MAP3K13: variants seen among roughly 807,000 people sequenced by gnomAD.
The protein encoded by MAP3K13 is leucine zipper-bearing kinase.
MAP3K13 carries 52 observed loss-of-function variants against 104.0 expected under a neutral mutation model. That is an observed-to-expected ratio of 0.50 (90% CI 0.40 to 0.63). The LOEUF (loss-of-function observed/expected upper bound fraction) is 0.63, where lower values mean the gene tolerates loss of function less well. MAP3K13 is among the 20% of genes least tolerant of loss of function. The pLI is 0.00. For synonymous variants in MAP3K13, 394 were observed against 442.2 expected (o/e 0.89, Z 1.37); for missense variants, 914 against 1,218.5 (o/e 0.75, Z 3.72).
At chr3:185,356,909 T>TG (rs1393398113) in intron 2 of MAP3K13, among the ~76,000 whole-genome samples, 2 of 151,556 alleles carry the variant, frequency 1.3e-5, no homozygotes, top group African/African-American at 4.9e-5. Context: ...TATGTATGTA[T>TG]TTATGTATTG....
chr3:185,408,900 C>G (rs974139384), intron 1 of MAP3K13, among the ~76,000 whole-genome samples: 8 of 152,176 alleles, frequency 5.3e-5, no homozygotes, highest in African/African-American at 1.9e-4. Context: ...GAAATTTGCT[C>G]TGTGTGCTGT....
At chr3:185,422,580 CATT>C (rs1303351580) in intron 1 of MAP3K13, among the ~76,000 whole-genome samples, 149 of 152,224 alleles carry the variant, frequency 9.8e-4, no homozygotes, top group Non-Finnish European at 7.5e-4. Context: ...CCCATCCTAA[CATT>C]ATGTATTGGG....
chr3:185,380,580 G>A (rs1373797090), intron 1 of MAP3K13, among the ~76,000 whole-genome samples: 2 of 152,086 alleles, frequency 1.3e-5, no homozygotes, highest in Non-Finnish European at 2.9e-5. Context: ...AATGTTGAGG[G>A]TGGGGCCCAG....
At chr3:185,373,671 T>C (rs1254960613) in intron 1 of MAP3K13, among the ~76,000 whole-genome samples, 1 of 152,086 alleles carries the variant, frequency 6.6e-6, no homozygotes, top group Non-Finnish European at 1.5e-5. Flanking sequence ...AGAATATTTT[T>C]CTGATACTTT....
chr3:185,424,364 G>A lies in MAP3K13; in HGVS notation c.-85-4133G>A, dbSNP rs116171395. Among the ~76,000 whole-genome samples the A allele has an allele frequency of 8.2e-3, 1,246 of 152,258 alleles. 7 individuals are homozygous for A. The highest frequency in any genetic ancestry group is 0.013 in the Non-Finnish European group (905 of 68,012). On this transcript the variant is annotated intron_variant, in intron 1 of 13. Coordinates refer to ENST00000265026, the MANE Select transcript of MAP3K13 (RefSeq NM_004721.5). ...GTGAGGAGTCATAAAATGTTCCATCGTGTTGTAAAAAAGGCAAAGGATTTG... is the reference window on the plus strand; with the variant it reads ...GTGAGGAGTCATAAAATGTTCCATCATGTTGTAAAAAAGGCAAAGGATTTG...
At chr3:185,359,036 G>T (rs1382137025), upstream of MAP3K13, among the ~76,000 whole-genome samples, 1 of 152,120 alleles carries the variant, frequency 6.6e-6, no homozygotes, top group Non-Finnish European at 1.5e-5. Flanking sequence ...AAAAGATTTT[G>T]TATTAGTCTG....
chr3:185,360,818 CTTTTTTTTT>C (rs532196266), upstream of MAP3K13, among the ~76,000 whole-genome samples: 108 of 78,100 alleles, frequency 1.4e-3, 1 homozygote, highest in African/African-American at 4.8e-3. Flanking sequence ...ACAGCTTTAG[CTTTTTTTTT>C]TTTTTTTTTT....
intron 3 of MAP3K13, among the ~76,000 whole-genome samples, chr3:185,439,117 A>G (rs1715193211): frequency 6.6e-6 from 1 of 152,156 alleles, no homozygotes; most frequent in African/African-American, 2.4e-5. Flanking sequence ...TTAAATGAGT[A>G]CTGAAGTTGA....
intron 12 of MAP3K13, among the ~76,000 whole-genome samples, chr3:185,479,953 C>T (rs1293280753): frequency 6.6e-6 from 1 of 152,192 alleles, no homozygotes; most frequent in Non-Finnish European, 1.5e-5. Context: ...CAGGACCTCA[C>T]CCTTATGATC....
intron 2 of MAP3K13, among the ~76,000 whole-genome samples, chr3:185,329,804 TC>T (rs1722178784): frequency 1.3e-5 from 2 of 152,098 alleles, no homozygotes; most frequent in Non-Finnish European, 2.9e-5. Flanking sequence ...ATTTTCTATT[TC>T]CCTTTTACCA....
intron 1 of MAP3K13, among the ~76,000 whole-genome samples, chr3:185,393,822 T>G (rs527449393): frequency 2.0e-4 from 30 of 152,274 alleles, no homozygotes; most frequent in African/African-American, 7.0e-4. Flanking sequence ...GCAAGAGTAC[T>G]CAATCATCTT....
At chr3:185,443,666 T>C in intron 4 of MAP3K13, 30 bp downstream of exon 4, 1 of 1,596,148 alleles carries the variant, frequency 6.3e-7, no homozygotes, top group Non-Finnish European at 8.6e-7. Flanking sequence ...TTTCAGCTAT[T>C]TTGGTTTGTT....
chr3:185,324,749 ATTAAC>A (rs1165605387), intron 2 of MAP3K13, among the ~76,000 whole-genome samples: 1 of 152,184 alleles, frequency 6.6e-6, no homozygotes, highest in Non-Finnish European at 1.5e-5. Flanking sequence ...AGAAAAAAGA[ATTAAC>A]TTATAGTTTG....
chr3:185,466,957 C>A lies in MAP3K13; in HGVS notation c.1637C>A (p.Thr546Asn), dbSNP rs956527659. 1.2e-6 allele frequency: 2 copies of A among 1,613,822 alleles called. No individual in the cohort carries two copies. Among genetic ancestry groups the A allele is most frequent in the Non-Finnish European group, 1.7e-6 (2 of 1,179,862 alleles). ...KGVPHKSGMQTKRPDLLRSEG... is the reference protein window; with the variant it reads ...KGVPHKSGMQNKRPDLLRSEG... ...GTGCCTCACAAATCTGGGATGCAGA[C>A]CAAACGGTGAGACACCTGTACAAAC... The change falls in exon 10 of 14, where the codon ACC (threonine) becomes AAC (asparagine). Residue 546 changes from threonine to asparagine, a missense_variant. Coordinates refer to ENST00000265026, the MANE Select transcript of MAP3K13 (RefSeq NM_004721.5).
chr3:185,305,690 A>G (rs1003509634), intron 2 of MAP3K13, among the ~76,000 whole-genome samples: 2 of 149,132 alleles, frequency 1.3e-5, no homozygotes, highest in African/African-American at 4.9e-5. Flanking sequence ...CTAGTGCTGA[A>G]CTCCTTCAGC....
intron 2 of MAP3K13, among the ~76,000 whole-genome samples, chr3:185,355,293 C>T (rs1178628622): frequency 6.6e-6 from 1 of 151,950 alleles, no homozygotes; most frequent in East Asian, 1.9e-4. Flanking sequence ...ATGGCGAAAA[C>T]CCATCTCTAC....
intron 1 of MAP3K13, among the ~76,000 whole-genome samples, chr3:185,403,021 T>C (rs1712904324): frequency 1.3e-5 from 2 of 152,202 alleles, no homozygotes; most frequent in Non-Finnish European, 2.9e-5. Context: ...ATTTAGAAGA[T>C]ACTGGTATAT....
intron 2 of MAP3K13, among the ~76,000 whole-genome samples, chr3:185,299,865 CCT>C (rs1440546099): frequency 1.1e-4 from 1 of 9,044 alleles, no homozygotes. Flanking sequence ...CGCGCCCGGC[CCT>C]CTCTCTCTCT....
At chr3:185,417,738 G>GTGAT (rs1385422397) in intron 1 of MAP3K13, 1 of 1,612,436 alleles carries the variant, frequency 6.2e-7, no homozygotes, top group African/African-American at 1.3e-5. Flanking sequence ...CCCGGAGCTT[G>GTGAT]TGATTCCTGG....
Sources: allele counts gnomAD v4.1 joint callset (sites outside exome capture counted in the v4.1 genomes callset), GRCh38; gene constraint gnomAD v4.1.1; transcripts MANE v1.5; gene names NCBI Gene and HGNC (gene_info 2026-07-23, HGNC 2026-07-21).